Variants in PARVA observed in about 807,000 individuals in gnomAD.
PARVA encodes alpha-parvin.
Under a neutral mutation model 52.6 loss-of-function variants are expected in PARVA, and 25 were observed. That is an observed-to-expected ratio of 0.48 (90% CI 0.35 to 0.66). PARVA has a LOEUF of 0.66. PARVA is among the 30% of genes least tolerant of loss of function. The pLI is 0.01. For synonymous variants in PARVA, 185 were observed against 179.1 expected, an observed-to-expected ratio of 1.03 and a Z score of -0.26; for missense variants, 373 against 450.9, an observed-to-expected ratio of 0.83 and a Z score of 1.56.
At chr11:12,443,910 T>C (rs1940506459) in intron 1 of PARVA, among the ~76,000 whole-genome samples, 1 of 152,186 alleles carries the variant, frequency 6.6e-6, no homozygotes. Context: ...ACCACTTGCT[T>C]GTTGTCTGTG....
At chr11:12,483,865 GC>G (rs1941122254) in intron 4 of PARVA, among the ~76,000 whole-genome samples, 1 of 152,208 alleles carries the variant, frequency 6.6e-6, no homozygotes, top group Admixed American at 6.5e-5. Flanking sequence ...AGCAGCCCTA[GC>G]CCTTTCCAAA....
At chr11:12,395,481 A>G (rs1939729124) in intron 1 of PARVA, among the ~76,000 whole-genome samples, 1 of 152,186 alleles carries the variant, frequency 6.6e-6, no homozygotes. Flanking sequence ...GGAGCCTCTA[A>G]AAGTTAGAAG....
chr11:12,433,458 G>C (rs537368368), intron 1 of PARVA, among the ~76,000 whole-genome samples: 1 of 152,156 alleles, frequency 6.6e-6, no homozygotes, highest in Non-Finnish European at 1.5e-5. Flanking sequence ...CCCAGCACTT[G>C]AGAGTATTTC....
chr11:12,443,982 T>C (rs966385567), intron 1 of PARVA, among the ~76,000 whole-genome samples: 9 of 152,182 alleles, frequency 5.9e-5, no homozygotes, highest in Non-Finnish European at 1.3e-4. Context: ...CAGCGTGCCT[T>C]TGTAGTACTG....
chr11:12,423,148 C>G (rs1940177002), intron 1 of PARVA, among the ~76,000 whole-genome samples: 1 of 151,802 alleles, frequency 6.6e-6, no homozygotes, highest in South Asian at 2.1e-4. Flanking sequence ...GCCACCTCGC[C>G]TAGCCAGATG....
intron 1 of PARVA, among the ~76,000 whole-genome samples, chr11:12,385,567 A>G (rs987805105): frequency 2.0e-5 from 3 of 152,298 alleles, no homozygotes; most frequent in Admixed American, 6.5e-5. Context: ...AGAATCCTGG[A>G]GGAGGTCAGC....
chr11:12,429,707 T>C (rs1245039891), intron 1 of PARVA, among the ~76,000 whole-genome samples: 1 of 152,214 alleles, frequency 6.6e-6, no homozygotes, highest in Non-Finnish European at 1.5e-5. Flanking sequence ...TTCATCTTTG[T>C]ATCTATTAAC....
intron 1 of PARVA, among the ~76,000 whole-genome samples, chr11:12,446,289 T>G (rs1940546877): frequency 6.6e-6 from 1 of 152,140 alleles, no homozygotes; most frequent in Non-Finnish European, 1.5e-5. Flanking sequence ...AGTTAATAAA[T>G]TCAAGTTAAA....
chr11:12,424,842 T>C (rs1940205601), intron 1 of PARVA, among the ~76,000 whole-genome samples: 1 of 152,252 alleles, frequency 6.6e-6, no homozygotes, highest in South Asian at 2.1e-4. Context: ...AACCCTTTTT[T>C]TCTATCAAAG....
intron 4 of PARVA, chr11:12,479,720 T>G (rs1210671278): frequency 6.6e-6 from 1 of 152,238 alleles, no homozygotes; most frequent in African/African-American, 2.4e-5. Context: ...CATATATGTA[T>G]AGGTGTGTAG....
chr11:12,480,611 C>T (rs1941073832), intron 4 of PARVA: 1 of 152,024 alleles, frequency 6.6e-6, no homozygotes, highest in Non-Finnish European at 1.5e-5. Flanking sequence ...TCTATGCAAC[C>T]CCACGTTAGG....
At chr11:12,401,712 A>G (rs966863735) in intron 1 of PARVA, among the ~76,000 whole-genome samples, 1 of 152,224 alleles carries the variant, frequency 6.6e-6, no homozygotes, top group African/African-American at 2.4e-5. Flanking sequence ...CAGAACAGTA[A>G]CATTTAGGGA....
chr11:12,440,513 T>G (rs1704079241), intron 1 of PARVA, among the ~76,000 whole-genome samples: 1 of 152,242 alleles, frequency 6.6e-6, no homozygotes, highest in Admixed American at 6.5e-5. Context: ...AAACAATCCA[T>G]GTATTATATC....
chr11:12,518,049 G>A (rs190549435), intron 11 of PARVA, among the ~76,000 whole-genome samples: 6 of 152,346 alleles, frequency 3.9e-5, no homozygotes, highest in Admixed American at 2.6e-4. Flanking sequence ...GCTTAGCCTG[G>A]TTCTGATGGC....
At chr11:12,494,992 A>G (rs1487870171) in intron 4 of PARVA, among the ~76,000 whole-genome samples, 1 of 152,246 alleles carries the variant, frequency 6.6e-6, no homozygotes, top group Non-Finnish European at 1.5e-5. Context: ...TTGCTTCTAT[A>G]GAGACAATTA....
At chr11:12,415,849 A>G (rs560746652) in intron 1 of PARVA, among the ~76,000 whole-genome samples, 1 of 152,326 alleles carries the variant, frequency 6.6e-6, no homozygotes, top group Admixed American at 6.5e-5. Flanking sequence ...TTATTTAAAG[A>G]TGAAGCCTTG....
chr11:12,522,734 T>A (rs1331992418), intron 12 of PARVA, among the ~76,000 whole-genome samples: 1 of 151,932 alleles, frequency 6.6e-6, no homozygotes, highest in Non-Finnish European at 1.5e-5. Flanking sequence ...GCTTTATCCT[T>A]GAACAATTAT....
chr11:12,482,565 G>T (rs1168894508), intron 4 of PARVA, among the ~76,000 whole-genome samples: 2 of 151,390 alleles, frequency 1.3e-5, no homozygotes, highest in African/African-American at 2.4e-5. Context: ...GGCAGAGGTT[G>T]CAGTGAGCCA....
At chr11:12,385,598 A>G (rs1939561652) in intron 1 of PARVA, among the ~76,000 whole-genome samples, 2 of 152,160 alleles carry the variant, frequency 1.3e-5, no homozygotes. Flanking sequence ...GAAAGGGCCA[A>G]ATAGTAACTA....
Sources: allele counts gnomAD v4.1 joint callset (sites outside exome capture counted in the v4.1 genomes callset), GRCh38; gene constraint gnomAD v4.1.1; transcripts MANE v1.5; gene names NCBI Gene and HGNC (gene_info 2026-07-23, HGNC 2026-07-21).